NLRP11: variants seen among roughly 807,000 people sequenced by gnomAD.
NLRP11 encodes the protein NACHT, LRR and PYD domains-containing protein 11.
Under a neutral mutation model 79.3 loss-of-function variants are expected in NLRP11, and 53 were observed. The observed-to-expected ratio is 0.67, with a 90% CI of 0.54 to 0.84. The LOEUF is 0.84. Ranked by LOEUF, NLRP11 falls within the 40% of genes least tolerant of loss-of-function variation. The pLI is 0.00. For synonymous variants in NLRP11, 518 were observed against 462.6 expected, an observed-to-expected ratio of 1.12 and a Z score of -1.54; for missense variants, 1,264 against 1,255.0, an observed-to-expected ratio of 1.01 and a Z score of -0.11.
chr19:55,805,824 G>A (rs1177801080), intron 4 of NLRP11, among the ~76,000 whole-genome samples: 1 of 152,204 alleles, frequency 6.6e-6, no homozygotes, highest in African/African-American at 2.4e-5. Context: ...ACAGGCATGA[G>A]CCACTGCACC....
rs755985895 is a variant in NLRP11 at position 55,796,074 on chromosome 19, A to G, written c.2342+6T>C. On this transcript the variant is annotated splice_donor_region_variant and intron_variant, in intron 6 of 9. Transcript: ENST00000589093. Reference sequence around the variant, plus strand: ...CTACGTGGTGAGCTCGTCTAAGCCAACTTACACCAGTGATATAAGAGTGCA... The same window carrying G: ...CTACGTGGTGAGCTCGTCTAAGCCAGCTTACACCAGTGATATAAGAGTGCA... 6.8e-6 allele frequency: 11 copies of G among 1,607,594 alleles called. No individual in the cohort carries two copies. In the East Asian group the frequency reaches 1.8e-4, roughly 26 times the overall value.
chr19:55,808,636 G>A lies in NLRP11; in HGVS notation c.1841+133C>T, dbSNP rs1006634718. On this transcript the variant is annotated intron_variant, in intron 3 of 9. Coordinates refer to ENST00000589093, the Ensembl canonical transcript of NLRP11. ...CAGAAGCAGAGAGATTTAAGTCACT[G>A]GTCTAATTAGAAGCTAGATTGGAAG... 1.4e-5 allele frequency: 11 copies of A among 787,128 alleles called. No individual in the cohort carries two copies. The Admixed American group carries it at 2.7e-4, about 19-fold the overall frequency. 48.8% of individuals were successfully genotyped at this position (787,128 alleles called of 1,614,324 possible). A position where few individuals can be genotyped will look rare whatever the true frequency, so the allele number is the denominator to read the frequency against.
intron 1 of NLRP11, among the ~76,000 whole-genome samples, chr19:55,819,687 G>T (rs763758789): frequency 1.3e-5 from 2 of 152,132 alleles, no homozygotes. Context: ...TTGGAGAATG[G>T]CAGGTATCTG....
chr19:55,820,005 G>A (rs1981526618), intron 1 of NLRP11, among the ~76,000 whole-genome samples: 1 of 152,144 alleles, frequency 6.6e-6, no homozygotes, highest in Non-Finnish European at 1.5e-5. Context: ...CAATAAAGGG[G>A]TAAAAAAATG....
chr19:55,785,746 G>A, exon 10 of NLRP11: 2 of 1,614,080 alleles, frequency 1.2e-6, no homozygotes, highest in Non-Finnish European at 8.5e-7. Flanking sequence ...AGAAGCAGGT[G>A]TCACACCAAT....
chr19:55,795,319 A>G (rs937700074), intron 6 of NLRP11, among the ~76,000 whole-genome samples: 3 of 152,054 alleles, frequency 2.0e-5, no homozygotes, highest in Admixed American at 2.0e-4. Context: ...TTTCAAGGCA[A>G]TCTAGCACCA....
chr19:55,796,657 G>GC (rs1188905883), intron 5 of NLRP11, among the ~76,000 whole-genome samples: 2 of 151,430 alleles, frequency 1.3e-5, no homozygotes, highest in Non-Finnish European at 2.9e-5. Context: ...AGCCTTGGGT[G>GC]CCCCACATGC....
At position 55,810,344 on chromosome 19, in the gene NLRP11, C is replaced by A. The variant is rs1434456412; in HGVS notation, c.272-6G>T. On this transcript the variant is annotated splice_region_variant and splice_polypyrimidine_tract_variant and intron_variant, in intron 2 of 9. Transcript: ENST00000589093. ...TTTGCATGCCTCCTGATTGCCTAAT[C>A]CAGCGAGTACAGGGCAGAAAATACA... 3 of 1,600,510 alleles carry A rather than the reference C, an allele frequency of 1.9e-6. No homozygotes were observed. The highest frequency in any genetic ancestry group is 1.7e-4 in the Middle Eastern group (1 of 6,018).
rs905212090 is a variant in NLRP11 at position 55,785,532 on chromosome 19, CACACACAT to C, written c.*85_*92del. 1.8e-5 allele frequency: 20 copies of C among 1,112,996 alleles called. No homozygotes were observed. In the African/African-American group the frequency reaches 1.9e-4, roughly 11 times the overall value. The allele number at this position is 1,112,996 out of a possible 1,614,324, so 68.9% of individuals were successfully genotyped here. On this transcript the variant is annotated 3_prime_UTR_variant, in exon 10 of 10. Transcript: ENST00000589093. The stretch of plus-strand genomic sequence containing the variant: ...ACACACACACACACACACACACACA[CACACACAT>C]CAAATAGGAAAATTATAGTCCTAAT...
rs1555802044 is a variant in NLRP11, at chr19:55,798,750, A to ACT, written c.2172-2502_2172-2501dup. ...TTTTGCTTCAAACACACACACACAC[A>ACT]CTCACACACACACACACACCGGAAA... On this transcript the variant is annotated intron_variant, in intron 5 of 9. Coordinates refer to ENST00000589093, the Ensembl canonical transcript of NLRP11. Among the ~76,000 whole-genome samples, 13 of 142,844 alleles carry ACT rather than the reference A, an allele frequency of 9.1e-5. 1 individual carries two copies. In the East Asian group the frequency reaches 2.6e-3, roughly 28 times the overall value. 93.7% of individuals were successfully genotyped at this position (142,844 alleles called of 152,430 possible).
chr19:55,810,813 G>A (rs1302947847), intron 2 of NLRP11, among the ~76,000 whole-genome samples: 1 of 152,112 alleles, frequency 6.6e-6, no homozygotes, highest in African/African-American at 2.4e-5. Context: ...TGCTTTAAAG[G>A]AAAAAGGTTG....
intron 1 of NLRP11, among the ~76,000 whole-genome samples, chr19:55,827,647 C>CA (rs796535882): frequency 0.014 from 2,064 of 147,958 alleles, 53 homozygotes; most frequent in African/African-American, 0.05. Flanking sequence ...TTTATGCAGC[C>CA]AAAAAAAACA....
chr19:55,828,422 A>T (rs1982435749), intron 1 of NLRP11, among the ~76,000 whole-genome samples: 2 of 152,154 alleles, frequency 1.3e-5, no homozygotes, highest in Non-Finnish European at 2.9e-5. Context: ...ATAATAATAA[A>T]AAAAAGAATT....
At chr19:55,817,315 CACT>C (rs1981227077) in intron 2 of NLRP11, among the ~76,000 whole-genome samples, 1 of 152,124 alleles carries the variant, frequency 6.6e-6, no homozygotes, top group Admixed American at 6.6e-5. Context: ...CCAGCAATCC[CACT>C]ACTGTGTATC....
chr19:55,822,698 T>C (rs1981879869), intron 1 of NLRP11, among the ~76,000 whole-genome samples: 3 of 152,170 alleles, frequency 2.0e-5, no homozygotes, highest in Admixed American at 6.5e-5. Context: ...TACTGCGCTT[T>C]TCTGACTGGC....
chr19:55,830,233 C>T (rs1568647030), intron 1 of NLRP11, among the ~76,000 whole-genome samples: 1 of 152,142 alleles, frequency 6.6e-6, no homozygotes, highest in African/African-American at 2.4e-5. Context: ...CCAAGTCCAA[C>T]CCTTCCCCAA....
intron 3 of NLRP11, 124 bp downstream of exon 3, chr19:55,808,645 A>T (rs1980244583): frequency 3.6e-6 from 3 of 843,602 alleles, no homozygotes; most frequent in Non-Finnish European, 5.7e-6. Flanking sequence ...TGGTCTAATT[A>T]GAAGCTAGAT....
chr19:55,834,485 C>T (rs1983063591), upstream of NLRP11, among the ~76,000 whole-genome samples: 1 of 152,174 alleles, frequency 6.6e-6, no homozygotes, highest in Non-Finnish European at 1.5e-5. Context: ...ATGTCAACAA[C>T]ATCAGGAGTA....
chr19:55,822,091 T>C (rs1981800321), intron 1 of NLRP11, among the ~76,000 whole-genome samples: 1 of 152,174 alleles, frequency 6.6e-6, no homozygotes. Context: ...AAACCCCATC[T>C]CTACTAAAAA....
Sources: allele counts gnomAD v4.1 joint callset (sites outside exome capture counted in the v4.1 genomes callset), GRCh38; gene constraint gnomAD v4.1.1; transcripts MANE v1.5; gene names NCBI Gene and HGNC (gene_info 2026-07-23, HGNC 2026-07-21).